The following DNAH17 variants were observed in gnomAD, a reference collection of about 807,000 sequenced individuals.
DNAH17 encodes axonemal beta dynein heavy chain 17.
Under a neutral mutation model 485.6 loss-of-function variants are expected in DNAH17, and 376 were observed. That is an observed-to-expected ratio of 0.77 (90% CI 0.71 to 0.84). The LOEUF (loss-of-function observed/expected upper bound fraction) is 0.84. Among genes scored for constraint, DNAH17 ranks in the 40% least tolerant of loss-of-function variants. The pLI is 0.00. For missense variants in DNAH17, 6,370 were observed against 5,839.3 expected, an observed-to-expected ratio of 1.09 and a Z score of -2.96; for synonymous variants, 3,031 against 2,405.9, an observed-to-expected ratio of 1.26 and a Z score of -7.60.
intron 24 of DNAH17, 29 bp from the exon 25 acceptor site, chr17:78,525,190 G>C (rs1277122904): frequency 6.2e-7 from 1 of 1,606,040 alleles, no homozygotes; most frequent in African/African-American, 1.3e-5. Context: ...CCGTCAGTAG[G>C]GCTACCTACC....
intron 54 of DNAH17, among the ~76,000 whole-genome samples, chr17:78,471,304 G>C (rs1220610587): frequency 3.9e-5 from 6 of 152,178 alleles, no homozygotes; most frequent in Non-Finnish European, 8.8e-5. Context: ...GAAAAAGCAA[G>C]GGGAAGCTCT....
At chr17:78,431,221 A>G (rs764403565) in intron 75 of DNAH17, among the ~76,000 whole-genome samples, 2 of 152,120 alleles carry the variant, frequency 1.3e-5, no homozygotes, top group South Asian at 2.1e-4. Context: ...TGTTTTCCAC[A>G]TTATCATTAG....
Position 78,475,659 on chromosome 17 carries a change from G to A in DNAH17, c.8319+10C>T, listed in dbSNP as rs368223958. 18 of 1,613,364 alleles carry A rather than the reference G, an allele frequency of 1.1e-5. No individual in the cohort carries two copies. The African/African-American group carries it at 1.6e-4, about 14-fold the overall frequency. On this transcript the variant is annotated intron_variant, in intron 53 of 80. Coordinates refer to ENST00000389840, the MANE Select transcript of DNAH17 (RefSeq NM_173628.4). The stretch of plus-strand genomic sequence containing the variant: ...TCCCGTGCCCTTGCTATCAGCTCCA[G>A]CCTGCTCACCAAATTCATGACTGCA...
chr17:78,573,922 C>T (rs754992284), intron 2 of DNAH17, among the ~76,000 whole-genome samples: 11 of 152,010 alleles, frequency 7.2e-5, no homozygotes, highest in African/African-American at 2.7e-4. Flanking sequence ...GGTCCGAATC[C>T]CCAAAGTGTG....
At chr17:78,474,885 C>T (rs1297202454) in intron 54 of DNAH17, among the ~76,000 whole-genome samples, 6 of 148,106 alleles carry the variant, frequency 4.1e-5, no homozygotes, top group Non-Finnish European at 3.0e-5. Context: ...CCCTTCACCT[C>T]AGTCACATGG....
In DNAH17 at chr17:78,567,150, G is replaced by A. The variant is rs765133483; in HGVS notation, c.1301C>T (p.Ala434Val). The A allele has an allele frequency of 3.7e-6, 6 of 1,604,348 alleles. No individual in the cohort carries two copies. Among genetic ancestry groups the A allele is most frequent in the Middle Eastern group, 1.7e-4 (1 of 6,056 alleles). Residue 434 changes from alanine (A) to valine (V), a missense_variant, in exon 10 of 81, where the codon GCA becomes GTA. Transcript: ENST00000389840. ...IQTIEELYKTAIEFLKLEKIE... is the reference protein window; with the variant it reads ...IQTIEELYKTVIEFLKLEKIE... ...TTTCTCCAGCTTCAGAAACTCAATT[G>A]CTGTTTTATAGAGTTCCTAGTGGAG...
chr17:78,426,738 A>G, intron 78 of DNAH17, 138 bp from the exon 79 acceptor site: 1 of 1,341,284 alleles, frequency 7.5e-7, no homozygotes. Flanking sequence ...AGGGCCACGC[A>G]AGCGCTTCCT....
intron 56 of DNAH17, among the ~76,000 whole-genome samples, chr17:78,463,446 A>T (rs896554891): frequency 1.8e-4 from 28 of 151,916 alleles, no homozygotes; most frequent in African/African-American, 6.8e-4. Flanking sequence ...ATACGCATTC[A>T]CATACCTGTA....
chr17:78,479,136 T>C lies in DNAH17; in HGVS notation c.7901-20A>G, dbSNP rs769830477. On this transcript the variant is annotated intron_variant, in intron 50 of 80. Transcript: ENST00000389840. ...GCAAAGCTGTTAGAGGAAAAGGACG[T>C]GTCAATTCTCATGTACTCTTGATGG... The C allele has an allele frequency of 3.4e-5, 55 of 1,611,648 alleles. 1 individual carries two copies. The highest frequency in any genetic ancestry group is 4.7e-5 in the Non-Finnish European group (55 of 1,178,572).
intron 26 of DNAH17, among the ~76,000 whole-genome samples, chr17:78,511,051 A>C (rs1803400057): frequency 6.6e-6 from 1 of 152,220 alleles, no homozygotes; most frequent in South Asian, 2.1e-4. Flanking sequence ...CTCTAGAAGG[A>C]GTGCAGCCTG....
chr17:78,502,435 T>C (rs529131017), intron 33 of DNAH17, 156 bp downstream of exon 33: 2 of 635,142 alleles, frequency 3.1e-6, no homozygotes, highest in Admixed American at 3.2e-5. Flanking sequence ...GTGGCTGTTA[T>C]TTGGCCTGTG....
At chr17:78,483,350 C>G (rs1461973629) in intron 48 of DNAH17, among the ~76,000 whole-genome samples, 3 of 152,232 alleles carry the variant, frequency 2.0e-5, no homozygotes, top group Non-Finnish European at 4.4e-5. Context: ...CCAGTTCTGG[C>G]TGAGCGTGGT....
chr17:78,572,109 G>C (rs1386068040), intron 3 of DNAH17, among the ~76,000 whole-genome samples: 1 of 152,156 alleles, frequency 6.6e-6, no homozygotes, highest in African/African-American at 2.4e-5. Context: ...ACCGGACATG[G>C]TGCTTGGGGC....
In DNAH17 at chr17:78,569,249, T is replaced by C. The variant is rs2092314623; in HGVS notation, c.1201A>G (p.Lys401Glu). The change falls in exon 9 of 81, where the codon AAA becomes GAA. Residue 401 changes from lysine (K) to glutamate (E), a missense_variant. By Grantham distance (56) the Lys-to-Glu change is moderately conservative. Coordinates refer to ENST00000389840, the MANE Select transcript of DNAH17 (RefSeq NM_173628.4). ...CVNMKLFFKD[K>E]EPVPWEFPSS... is the part of the protein sequence containing the mutation. The stretch of plus-strand genomic sequence containing the variant: ...GGGAATTCCCAAGGCACGGGCTCTT[T>C]GTCCTTAGAGGAGAGAAAGAGAGAT... 6.2e-7 allele frequency: 1 copy of C among 1,605,482 alleles called. No individual in the cohort carries two copies. The highest frequency in any genetic ancestry group is 8.5e-7 in the Non-Finnish European group (1 of 1,175,990).
intron 26 of DNAH17, among the ~76,000 whole-genome samples, 161 bp downstream of exon 26, chr17:78,514,613 T>G (rs2090730164): frequency 6.6e-6 from 1 of 152,100 alleles, no homozygotes. Flanking sequence ...TGGAGCCCAG[T>G]GTGACTGCGC....
chr17:78,469,660 A>G (rs933087188), intron 54 of DNAH17, among the ~76,000 whole-genome samples: 3 of 152,232 alleles, frequency 2.0e-5, no homozygotes, highest in African/African-American at 4.8e-5. Context: ...AGCAGCCATC[A>G]GGACAACCCA....
At position 78,478,332 on chromosome 17, in the gene DNAH17, A is replaced by G. The variant is rs370798040; in HGVS notation, c.7992+693T>C. Among the ~76,000 whole-genome samples the G allele has an allele frequency of 1.3e-3, 177 of 136,710 alleles. 3 individuals are homozygous for G. The highest frequency in any genetic ancestry group is 4.9e-3 in the African/African-American group (167 of 34,186). 89.7% of individuals were successfully genotyped at this position (136,710 alleles called of 152,430 possible). A position where few individuals can be genotyped will look rare whatever the true frequency, so the allele number is the denominator to read the frequency against. On this transcript the variant is annotated intron_variant, in intron 51 of 80. Transcript: ENST00000389840. ...CAATCACATCACCACCACCACCATT[A>G]TCACCATCACATCACCCACATCACC...
chr17:78,430,363 G>A lies in DNAH17; in HGVS notation c.12226-1063C>T, dbSNP rs549149446. Among the ~76,000 whole-genome samples the A allele has an allele frequency of 3.0e-4, 45 of 152,256 alleles. No individual in the cohort carries two copies. The East Asian group carries it at 3.5e-3, about 12-fold the overall frequency. On this transcript the variant is annotated intron_variant, in intron 75 of 80. Transcript: ENST00000389840. ...GGTACCCAGCATGTGAAATCCTGCCGCTCACAGTCAGCTTCTTCCTGCTTC... is the reference window on the plus strand; with the variant it reads ...GGTACCCAGCATGTGAAATCCTGCCACTCACAGTCAGCTTCTTCCTGCTTC...
At chr17:78,440,274 T>G (rs1017986364) in intron 72 of DNAH17, among the ~76,000 whole-genome samples, 6 of 82,376 alleles carry the variant, frequency 7.3e-5, no homozygotes, top group African/African-American at 1.2e-4. Flanking sequence ...TTTTTTTTTT[T>G]GAGACAGGGT....
Sources: gnomAD v4.1 joint callset for allele counts (sites outside exome capture counted in the v4.1 genomes callset) on GRCh38, gnomAD v4.1.1 for gene constraint, MANE v1.5 for transcripts, NCBI Gene and HGNC (gene_info 2026-07-23, HGNC 2026-07-21) for gene names.